Variants in GABRB2 observed in about 807,000 individuals in gnomAD.
The protein encoded by GABRB2 is gamma-aminobutyric acid receptor subunit beta-2.
In GABRB2, 16 loss-of-function variants were observed where a neutral mutation model predicts 54.7. That is an observed-to-expected ratio of 0.29 (90% CI 0.20 to 0.44). The LOEUF (loss-of-function observed/expected upper bound fraction) is 0.44, where lower values mean the gene tolerates loss of function less well. GABRB2 is among the 20% of genes least tolerant of loss of function. The pLI, the probability that GABRB2 is intolerant of heterozygous loss-of-function variation, is 1.00. For synonymous variants in GABRB2, 244 were observed against 233.8 expected, an observed-to-expected ratio of 1.04 and a Z score of -0.40; for missense variants, 355 against 644.0, an observed-to-expected ratio of 0.55 and a Z score of 4.86.
rs1272156507 is a variant in GABRB2 at position 161,290,750 on chromosome 5, G to A, written c.*3331C>T. 1.3e-5 allele frequency: 2 copies of A among 152,442 alleles called. No individual in the cohort carries two copies. Among genetic ancestry groups the A allele is most frequent in the African/African-American group, 4.8e-5 (2 of 41,408 alleles). 9.4% of individuals were successfully genotyped at this position (152,442 alleles called of 1,614,324 possible). A position where few individuals can be genotyped will look rare whatever the true frequency, so the allele number is the denominator to read the frequency against. On this transcript the variant is annotated 3_prime_UTR_variant, in exon 10 of 10. Coordinates refer to ENST00000393959, the MANE Select transcript of GABRB2 (RefSeq NM_001371727.1). Reference sequence around the variant, plus strand: ...AAGGTAATCATTAAACTGGAACACGGTTACCTATAGAAAATGGAAATTATC... The same window carrying A: ...AAGGTAATCATTAAACTGGAACACGATTACCTATAGAAAATGGAAATTATC...
At chr5:161,505,695 T>G (rs1213591156) in intron 3 of GABRB2, among the ~76,000 whole-genome samples, 1 of 152,088 alleles carries the variant, frequency 6.6e-6, no homozygotes, top group East Asian at 1.9e-4. Flanking sequence ...GAAAAATAAA[T>G]GATCTCATCA....
chr5:161,358,683 G>C (rs1003543517), intron 5 of GABRB2, among the ~76,000 whole-genome samples: 1 of 152,106 alleles, frequency 6.6e-6, no homozygotes, highest in Non-Finnish European at 1.5e-5. Flanking sequence ...GTGGGTAGAG[G>C]TAGTGGTGGG....
chr5:161,530,510 G>C (rs753677123), intron 3 of GABRB2, among the ~76,000 whole-genome samples: 1 of 152,044 alleles, frequency 6.6e-6, no homozygotes, highest in African/African-American at 2.4e-5. Flanking sequence ...TAAATAACCA[G>C]AGGGATATAT....
chr5:161,300,959 G>C (rs1246101595), intron 9 of GABRB2, among the ~76,000 whole-genome samples: 1 of 152,148 alleles, frequency 6.6e-6, no homozygotes, highest in Non-Finnish European at 1.5e-5. Context: ...GTATTTACTG[G>C]AGGCAGGCAT....
intron 3 of GABRB2, among the ~76,000 whole-genome samples, chr5:161,521,690 C>T (rs1319340713): frequency 6.6e-6 from 1 of 151,824 alleles, no homozygotes; most frequent in African/African-American, 2.4e-5. Context: ...CATATTTATA[C>T]TCAATCAGGA....
chr5:161,513,056 G>GAAAAAAAAAAAAAAAAAAAAA (rs755660749), intron 3 of GABRB2, among the ~76,000 whole-genome samples: 1 of 135,934 alleles, frequency 7.4e-6, no homozygotes, highest in African/African-American at 2.7e-5. Flanking sequence ...AAAGAAAAAA[G>GAAAAAAAAAAAAAAAAAAAAA]AAAAAAAAAA....
At chr5:161,471,503 T>A (rs181935850) in intron 3 of GABRB2, among the ~76,000 whole-genome samples, 1 of 152,160 alleles carries the variant, frequency 6.6e-6, no homozygotes, top group Admixed American at 6.6e-5. Flanking sequence ...AAGCTGCACC[T>A]AAGATCACCC....
intron 3 of GABRB2, among the ~76,000 whole-genome samples, chr5:161,474,944 T>A (rs1327944506): frequency 1.3e-5 from 2 of 151,936 alleles, no homozygotes; most frequent in Non-Finnish European, 2.9e-5. Context: ...CTCTGAGAGC[T>A]GGTTGTTCTA....
chr5:161,385,062 TC>T (rs1414305537), intron 5 of GABRB2, among the ~76,000 whole-genome samples: 2 of 152,076 alleles, frequency 1.3e-5, no homozygotes, highest in Non-Finnish European at 2.9e-5. Flanking sequence ...GAAGAAGCAA[TC>T]CCCAGCTGCA....
chr5:161,533,430 T>C (rs1428128713), intron 3 of GABRB2, among the ~76,000 whole-genome samples: 1 of 152,136 alleles, frequency 6.6e-6, no homozygotes, highest in African/African-American at 2.4e-5. Context: ...TAATTGATTT[T>C]GGAAAAACTA....
At chr5:161,444,937 A>C (rs1177971481) in intron 4 of GABRB2, among the ~76,000 whole-genome samples, 1 of 152,190 alleles carries the variant, frequency 6.6e-6, no homozygotes, top group Non-Finnish European at 1.5e-5. Flanking sequence ...CAGAGTAATA[A>C]ATCAATTTAA....
At chr5:161,478,060 A>G (rs576186841) in intron 3 of GABRB2, among the ~76,000 whole-genome samples, 1 of 152,040 alleles carries the variant, frequency 6.6e-6, no homozygotes, top group East Asian at 1.9e-4. Flanking sequence ...AAACTTTTCT[A>G]TGTTTTTAAA....
chr5:161,436,541 AAAAAG>A (rs1232222597), intron 4 of GABRB2, among the ~76,000 whole-genome samples: 2 of 151,846 alleles, frequency 1.3e-5, no homozygotes, highest in African/African-American at 4.8e-5. Context: ...GAAAAAAAAA[AAAAAG>A]AGAGAGAATG....
intron 3 of GABRB2, among the ~76,000 whole-genome samples, chr5:161,540,340 TCA>T (rs1212202939): frequency 6.6e-6 from 1 of 152,362 alleles, no homozygotes; most frequent in African/African-American, 2.4e-5. Flanking sequence ...TGAAGTTTGA[TCA>T]TGAGATTGCA....
intron 3 of GABRB2, among the ~76,000 whole-genome samples, chr5:161,483,527 A>T (rs1235861720): frequency 6.6e-6 from 1 of 150,890 alleles, no homozygotes; most frequent in Non-Finnish European, 1.5e-5. Context: ...TTATTGAAAC[A>T]GTGTTATAAA....
At chr5:161,519,046 A>T (rs1471650022) in intron 3 of GABRB2, among the ~76,000 whole-genome samples, 1 of 152,180 alleles carries the variant, frequency 6.6e-6, no homozygotes, top group Non-Finnish European at 1.5e-5. Context: ...AGAGTTTATG[A>T]AGTGGTAATG....
intron 8 of GABRB2, 99 bp from the exon 9 acceptor site, chr5:161,326,580 C>G: frequency 7.5e-7 from 1 of 1,337,752 alleles, no homozygotes; most frequent in Non-Finnish European, 9.8e-7. Context: ...ATGCTACTGG[C>G]CTTTAGAAAT....
chr5:161,468,016 A>G (rs1327520441), intron 3 of GABRB2, among the ~76,000 whole-genome samples: 5 of 152,076 alleles, frequency 3.3e-5, no homozygotes, highest in African/African-American at 9.7e-5. Context: ...ATAATTCAGC[A>G]GCAAGTTTTG....
intron 5 of GABRB2, among the ~76,000 whole-genome samples, chr5:161,345,348 C>T (rs1561616298): frequency 6.6e-6 from 1 of 152,028 alleles, no homozygotes; most frequent in African/African-American, 2.4e-5. Context: ...ATAGAAAACT[C>T]CTTGATGGAT....
Sources: gnomAD v4.1 joint callset for allele counts (sites outside exome capture counted in the v4.1 genomes callset) on GRCh38, gnomAD v4.1.1 for gene constraint, MANE v1.5 for transcripts, NCBI Gene and HGNC (gene_info 2026-07-23, HGNC 2026-07-21) for gene names.